The following BABAM2 variants were observed in gnomAD, a reference collection of about 807,000 sequenced individuals.
BABAM2 encodes the protein BRISC and BRCA1-A complex member 2.
Under a neutral mutation model 54.7 loss-of-function variants are expected in BABAM2, and 31 were observed. The ratio of observed to expected loss-of-function variants is 0.57; its 90% CI spans 0.43 to 0.77. The LOEUF (loss-of-function observed/expected upper bound fraction) is 0.77. Among genes scored for constraint, BABAM2 ranks in the 30% least tolerant of loss-of-function variants. The pLI is 0.00. For missense variants in BABAM2, 364 were observed against 455.8 expected (o/e 0.80, Z 1.83); for synonymous variants, 167 against 162.9 (o/e 1.03, Z -0.19).
At chr2:28,072,573 G>C (rs1000007139) in intron 6 of BABAM2, among the ~76,000 whole-genome samples, 1 of 152,124 alleles carries the variant, frequency 6.6e-6, no homozygotes, top group Non-Finnish European at 1.5e-5. Flanking sequence ...TTTTAGTAGA[G>C]ACGGGGTTTC....
intron 10 of BABAM2, among the ~76,000 whole-genome samples, chr2:28,255,106 A>G (rs1377550524): frequency 6.6e-6 from 1 of 152,088 alleles, no homozygotes; most frequent in Non-Finnish European, 1.5e-5. Context: ...ATATCACCTA[A>G]TACCCAGTTT....
chr2:27,978,953 G>A (rs1352691161), intron 3 of BABAM2, among the ~76,000 whole-genome samples: 1 of 152,038 alleles, frequency 6.6e-6, no homozygotes, highest in Non-Finnish European at 1.5e-5. Flanking sequence ...CATCCATATT[G>A]CTGCAAAGGA....
At chr2:27,896,759 G>A in intron 2 of BABAM2, 1 of 230,360 alleles carries the variant, frequency 4.3e-6, no homozygotes, top group Non-Finnish European at 8.8e-6. Flanking sequence ...CTAGGCTCCA[G>A]CAACTGGGCC....
chr2:27,993,894 T>G (rs904298021), intron 4 of BABAM2, among the ~76,000 whole-genome samples: 4 of 152,118 alleles, frequency 2.6e-5, no homozygotes, highest in Non-Finnish European at 5.9e-5. Context: ...CCTTGCAAAA[T>G]AGTTCCCATC....
At chr2:27,917,163 A>ACGT (rs1349580125) in intron 2 of BABAM2, among the ~76,000 whole-genome samples, 2 of 151,744 alleles carry the variant, frequency 1.3e-5, no homozygotes, top group Non-Finnish European at 2.9e-5. Flanking sequence ...GGCTACAGGC[A>ACGT]CGTGCCACCA....
intron 7 of BABAM2, among the ~76,000 whole-genome samples, chr2:28,199,693 C>G (rs542645015): frequency 6.6e-6 from 1 of 152,234 alleles, no homozygotes; most frequent in South Asian, 2.1e-4. Flanking sequence ...GAACAGAAAA[C>G]GAACTTCTGT....
chr2:28,180,218 A>G lies in BABAM2; in HGVS notation c.680+50838A>G, dbSNP rs1258426132. 2.6e-5 allele frequency among the ~76,000 whole-genome samples: 4 copies of G among 152,174 alleles called. No homozygotes were observed. In the East Asian group the frequency reaches 7.7e-4, roughly 29 times the overall value. On this transcript the variant is annotated intron_variant, in intron 7 of 11. Transcript: ENST00000379624. ...ATCACACTACCTAACTGCAAAATAT[A>G]TTACAAGACTATGGTAATCAAAACA...
At chr2:28,050,650 G>A (rs1313917068) in intron 6 of BABAM2, among the ~76,000 whole-genome samples, 2 of 152,146 alleles carry the variant, frequency 1.3e-5, no homozygotes, top group Non-Finnish European at 2.9e-5. Flanking sequence ...TAATATAATT[G>A]ATAAGTTAAC....
intron 7 of BABAM2, among the ~76,000 whole-genome samples, chr2:28,196,323 T>A (rs866766564): frequency 0.072 from 7,796 of 107,672 alleles, 1,396 homozygotes; most frequent in Middle Eastern, 0.15. Context: ...CAAGACTCCA[T>A]ATAAAAAAAA....
At chr2:28,123,428 C>A (rs1473987901) in intron 6 of BABAM2, among the ~76,000 whole-genome samples, 1 of 152,146 alleles carries the variant, frequency 6.6e-6, no homozygotes, top group African/African-American at 2.4e-5. Flanking sequence ...TAGCCTTTTG[C>A]AGTTTCAAAT....
At chr2:28,227,553 C>A (rs1401178980) in intron 7 of BABAM2, among the ~76,000 whole-genome samples, 1 of 152,184 alleles carries the variant, frequency 6.6e-6, no homozygotes, top group Non-Finnish European at 1.5e-5. Context: ...CTGGCAGAAA[C>A]CACCTTTTTT....
chr2:28,048,072 C>T (rs1440755470), intron 6 of BABAM2, among the ~76,000 whole-genome samples: 2 of 152,184 alleles, frequency 1.3e-5, no homozygotes, highest in Admixed American at 6.5e-5. Context: ...AAATAAACTT[C>T]CTGAATTCCT....
intron 6 of BABAM2, among the ~76,000 whole-genome samples, chr2:28,104,933 A>G (rs886090747): frequency 3.9e-5 from 6 of 151,936 alleles, no homozygotes; most frequent in African/African-American, 1.2e-4. Flanking sequence ...GCAAACTATC[A>G]CAAGGACAAA....
chr2:28,304,325 G>A lies in BABAM2; in HGVS notation c.1088+5834G>A, dbSNP rs1334875928. Among the ~76,000 whole-genome samples, 2 of 151,308 alleles carry A rather than the reference G, an allele frequency of 1.3e-5. No homozygotes were observed. The highest frequency in any genetic ancestry group is 6.6e-5 in the Admixed American group (1 of 15,168). On this transcript the variant is annotated intron_variant, in intron 11 of 11. Transcript: ENST00000379624. This position sits in a 1 kb window ranked among gnomAD's most constrained non-coding sequence, Gnocchi z 4.0. Reference sequence around the variant, plus strand: ...CCCGCCTCGGCCTCCCAAAGTGCTGGCATTACAGGCATGAGCCACTGCATT... The same window carrying A: ...CCCGCCTCGGCCTCCCAAAGTGCTGACATTACAGGCATGAGCCACTGCATT...
intron 3 of BABAM2, among the ~76,000 whole-genome samples, chr2:27,984,655 A>G (rs758960567): frequency 2.6e-5 from 4 of 151,748 alleles, no homozygotes; most frequent in Middle Eastern, 3.2e-3. Flanking sequence ...TTTTATTTTT[A>G]GTTTTTTTTG....
chr2:27,959,850 T>C (rs1670345422), intron 3 of BABAM2, among the ~76,000 whole-genome samples: 1 of 152,204 alleles, frequency 6.6e-6, no homozygotes, highest in Non-Finnish European at 1.5e-5. Context: ...TTTCGTACTT[T>C]CAGTGAATGT....
intron 7 of BABAM2, among the ~76,000 whole-genome samples, chr2:28,151,128 G>T (rs1223844945): frequency 6.6e-6 from 1 of 152,152 alleles, no homozygotes; most frequent in African/African-American, 2.4e-5. Flanking sequence ...TACTCTGTAG[G>T]TTCTAAAGTA....
At position 28,063,760 on chromosome 2, in the gene BABAM2, T is replaced by C. The variant is rs557954006; in HGVS notation, c.570+17961T>C. On this transcript the variant is annotated intron_variant, in intron 6 of 11. Coordinates refer to ENST00000379624, the MANE Select transcript of BABAM2 (RefSeq NM_199191.3). ...CTTTGGAATCTTTGAGCCCCTCCCATAGTTTTCCAATAAGTAACTTTTTTT... is the reference window on the plus strand; with the variant it reads ...CTTTGGAATCTTTGAGCCCCTCCCACAGTTTTCCAATAAGTAACTTTTTTT... Among the ~76,000 whole-genome samples the C allele has an allele frequency of 1.3e-4, 20 of 152,352 alleles. No individual in the cohort carries two copies. The South Asian group carries it at 3.3e-3, about 25-fold the overall frequency.
intron 6 of BABAM2, among the ~76,000 whole-genome samples, chr2:28,084,869 C>G (rs1161578274): frequency 6.6e-6 from 1 of 152,084 alleles, no homozygotes; most frequent in Non-Finnish European, 1.5e-5. Flanking sequence ...TGACACTTTG[C>G]CAGACCTGTG....
Sources: allele counts gnomAD v4.1 joint callset (sites outside exome capture counted in the v4.1 genomes callset), GRCh38; gene constraint gnomAD v4.1.1; non-coding constraint Gnocchi (gnomAD v3.1); transcripts MANE v1.5; gene names NCBI Gene and HGNC (gene_info 2026-07-23, HGNC 2026-07-21).